Variants in EEIG2 observed in about 807,000 individuals in gnomAD.
The protein encoded by EEIG2 is EEIG family member 2.
At chr1:108,569,409 C>T in the EEIG2 span, among the ~76,000 whole-genome samples, 1 of 152,226 alleles carries the variant, frequency 6.6e-6, no homozygotes, top group African/African-American at 2.4e-5. Flanking sequence ...TCATTGCAGC[C>T]TTGAATTCCT....
chr1:108,576,810 C>A, the EEIG2 span, among the ~76,000 whole-genome samples: 1 of 151,450 alleles, frequency 6.6e-6, no homozygotes, highest in African/African-American at 2.4e-5. Flanking sequence ...GGGTATATAC[C>A]CAGTAATGGG....
At chr1:108,627,884 G>A in the EEIG2 span, 4 of 356,702 alleles carry the variant, frequency 1.1e-5, no homozygotes, top group Non-Finnish European at 2.1e-5. Flanking sequence ...TAAATGTTTT[G>A]AACAACAGGA....
chr1:108,601,770 G>C, the EEIG2 span, among the ~76,000 whole-genome samples: 1 of 152,128 alleles, frequency 6.6e-6, no homozygotes, highest in Non-Finnish European at 1.5e-5. Context: ...TGCTCAATCT[G>C]ACACAAAACT....
the EEIG2 span, among the ~76,000 whole-genome samples, chr1:108,596,364 G>A: frequency 2.0e-5 from 3 of 151,976 alleles, no homozygotes; most frequent in East Asian, 3.9e-4. Context: ...CCCAACAACC[G>A]ACCTGTTTCT....
At chr1:108,598,060 C>T in the EEIG2 span, among the ~76,000 whole-genome samples, 3 of 152,278 alleles carry the variant, frequency 2.0e-5, no homozygotes, top group South Asian at 6.2e-4. Context: ...GGCCGGACAC[C>T]GTGGCTCACA....
chr1:108,619,044 C>T, the EEIG2 span, among the ~76,000 whole-genome samples: 1 of 152,078 alleles, frequency 6.6e-6, no homozygotes, highest in Non-Finnish European at 1.5e-5. Context: ...AGAAAATGAG[C>T]AGCAAAACTT....
the EEIG2 span, among the ~76,000 whole-genome samples, chr1:108,586,847 C>T: frequency 3.5e-3 from 536 of 152,220 alleles, 1 homozygote; most frequent in African/African-American, 0.011. Flanking sequence ...ATTATTTTCC[C>T]ACACCTTTTT....
chr1:108,593,663 A>G, the EEIG2 span, among the ~76,000 whole-genome samples: 7 of 152,198 alleles, frequency 4.6e-5, no homozygotes, highest in African/African-American at 9.6e-5. Flanking sequence ...CTAGCCTGCT[A>G]GGAAGTACCA....
the EEIG2 span, chr1:108,636,208 T>C: frequency 6.6e-6 from 1 of 152,286 alleles, no homozygotes; most frequent in South Asian, 2.1e-4. Flanking sequence ...ATAACATCTA[T>C]CAAATATAGC....
chr1:108,621,530 T>C, the EEIG2 span, among the ~76,000 whole-genome samples: 7 of 152,078 alleles, frequency 4.6e-5, no homozygotes, highest in Non-Finnish European at 1.0e-4. Flanking sequence ...ATTGAAGGTG[T>C]TGCTTAAAGA....
chr1:108,571,353 A>G, the EEIG2 span, among the ~76,000 whole-genome samples: 1 of 152,158 alleles, frequency 6.6e-6, no homozygotes, highest in Non-Finnish European at 1.5e-5. Context: ...CTCGTGAGAT[A>G]GCCAGGTTTC....
the EEIG2 span, among the ~76,000 whole-genome samples, chr1:108,582,019 A>G: frequency 6.6e-6 from 1 of 152,096 alleles, no homozygotes; most frequent in South Asian, 2.1e-4. Context: ...ACCCTTAACA[A>G]CCACCACCCT....
the EEIG2 span, chr1:108,628,630 T>C: frequency 6.4e-7 from 1 of 1,572,592 alleles, no homozygotes; most frequent in Non-Finnish European, 8.6e-7. Context: ...TAAAAAACTT[T>C]GTTTTCATAA....
the EEIG2 span, among the ~76,000 whole-genome samples, chr1:108,561,573 C>T: frequency 6.6e-6 from 1 of 151,660 alleles, no homozygotes; most frequent in African/African-American, 2.4e-5. Flanking sequence ...GGAATTGGGG[C>T]TAGAAACTTG....
the EEIG2 span, chr1:108,628,241 A>G: frequency 6.2e-7 from 1 of 1,614,196 alleles, no homozygotes; most frequent in Non-Finnish European, 8.5e-7. Context: ...AAGCTATGCA[A>G]GTCAGCAGTC....
At chr1:108,575,381 C>T in the EEIG2 span, among the ~76,000 whole-genome samples, 3 of 152,174 alleles carry the variant, frequency 2.0e-5, no homozygotes, top group South Asian at 2.1e-4. Context: ...TGGGAACTTT[C>T]AGGGATTGGT....
chr1:108,564,046 G>C, the EEIG2 span, among the ~76,000 whole-genome samples: 4 of 152,176 alleles, frequency 2.6e-5, no homozygotes, highest in Non-Finnish European at 4.4e-5. Context: ...ATTGCAGAGC[G>C]TTCATGTTGA....
chr1:108,568,168 C>T, the EEIG2 span, among the ~76,000 whole-genome samples: 1 of 151,934 alleles, frequency 6.6e-6, no homozygotes, highest in African/African-American at 2.4e-5. Context: ...TTAATATTCA[C>T]CACTGTATCA....
At chr1:108,585,857 G>T in the EEIG2 span, among the ~76,000 whole-genome samples, 1 of 151,916 alleles carries the variant, frequency 6.6e-6, no homozygotes, top group African/African-American at 2.4e-5. Flanking sequence ...TTTCTCTCTT[G>T]ATCTCAAGAA....
Sources: allele counts gnomAD v4.1 joint callset (sites outside exome capture counted in the v4.1 genomes callset), GRCh38; gene constraint gnomAD v4.1.1; transcripts MANE v1.5; gene names NCBI Gene and HGNC (gene_info 2026-07-23, HGNC 2026-07-21).